The following OTUD7A variants were observed in gnomAD, a reference collection of about 807,000 sequenced individuals.
OTUD7A encodes OTU domain-containing protein 7A.
In OTUD7A, 12 loss-of-function variants were observed where a neutral mutation model predicts 65.7. That is an observed-to-expected ratio of 0.18 (90% CI 0.12 to 0.30). OTUD7A has a LOEUF of 0.30. Ranked by LOEUF, OTUD7A falls within the 10% of genes least tolerant of loss-of-function variation. The pLI is 1.00. For synonymous variants in OTUD7A, 641 were observed against 586.3 expected, an observed-to-expected ratio of 1.09 and a Z score of -1.35; for missense variants, 1,148 against 1,304.8, an observed-to-expected ratio of 0.88 and a Z score of 1.85.
intron 1 of OTUD7A, among the ~76,000 whole-genome samples, chr15:31,867,387 G>A (rs1299675614): frequency 3.3e-5 from 5 of 152,160 alleles, no homozygotes; most frequent in African/African-American, 9.7e-5. Flanking sequence ...AAGGTCAGAG[G>A]CCATGACTTG....
At chr15:31,804,260 CT>C (rs902856515) in intron 1 of OTUD7A, among the ~76,000 whole-genome samples, 2 of 152,210 alleles carry the variant, frequency 1.3e-5, no homozygotes, top group African/African-American at 4.8e-5. Context: ...GCAGCTCCCC[CT>C]GGCATTGCTA....
chr15:31,772,176 C>T (rs958545317), intron 1 of OTUD7A, among the ~76,000 whole-genome samples: 13 of 145,708 alleles, frequency 8.9e-5, no homozygotes, highest in East Asian at 2.0e-4. Context: ...GGCGTGAACC[C>T]GGGAGGCGGA....
intron 4 of OTUD7A, among the ~76,000 whole-genome samples, chr15:31,568,441 T>C (rs1888945326): frequency 6.6e-6 from 1 of 152,218 alleles, no homozygotes; most frequent in East Asian, 1.9e-4. Context: ...GAATAACTTG[T>C]TTTTGATTTT....
chr15:31,564,740 T>C (rs1225140189), intron 4 of OTUD7A, among the ~76,000 whole-genome samples: 1 of 151,942 alleles, frequency 6.6e-6, no homozygotes, highest in Non-Finnish European at 1.5e-5. Context: ...AAGACAGAGA[T>C]TCTTGGATTG....
intron 3 of OTUD7A, among the ~76,000 whole-genome samples, chr15:31,620,455 G>T (rs1339476880): frequency 6.6e-6 from 1 of 151,814 alleles, no homozygotes; most frequent in Admixed American, 6.6e-5. Flanking sequence ...GACTGTTATT[G>T]GTCTATTCAG....
intron 3 of OTUD7A, among the ~76,000 whole-genome samples, chr15:31,621,880 G>T (rs1178491736): frequency 6.6e-6 from 1 of 152,060 alleles, no homozygotes; most frequent in Non-Finnish European, 1.5e-5. Flanking sequence ...TTTCAATTTG[G>T]CATGTTTTTG....
chr15:31,484,590 G>A lies in OTUD7A; in HGVS notation c.1506C>T (p.Asp502=). Reference sequence around the variant, plus strand: ...CCTTGCGCTGCTTCTCCTTCTCCTTGTCCTTGCCGTTCTTGCCGTTATTGC... The same window carrying A: ...CCTTGCGCTGCTTCTCCTTCTCCTTATCCTTGCCGTTCTTGCCGTTATTGC... ...SNSNNGKNGK[D]KEKEKQRKEK... is the part of the protein sequence containing the mutation. Residue 502 remains aspartate, a synonymous_variant, in exon 13 of 13, where the codon GAC becomes GAT. Transcript: ENST00000307050. The surrounding 1 kb of genome is among the most constrained non-coding windows in gnomAD (Gnocchi z 4.5). 6.2e-7 allele frequency: 1 copy of A among 1,609,274 alleles called. No homozygotes were observed. Among genetic ancestry groups the A allele is most frequent in the East Asian group, 2.2e-5 (1 of 44,806 alleles).
intron 8 of OTUD7A, among the ~76,000 whole-genome samples, chr15:31,509,774 A>T (rs933701682): frequency 6.6e-6 from 1 of 151,500 alleles, no homozygotes; most frequent in African/African-American, 2.4e-5. Flanking sequence ...TTTTGCATAA[A>T]TTTTTTTTAT....
At chr15:31,837,455 A>C (rs1897083316) in intron 1 of OTUD7A, among the ~76,000 whole-genome samples, 1 of 151,904 alleles carries the variant, frequency 6.6e-6, no homozygotes. Context: ...CTGAGGCAGG[A>C]GAATCGCTTG....
At chr15:31,726,813 C>T (rs1334432078) in intron 1 of OTUD7A, among the ~76,000 whole-genome samples, 1 of 152,182 alleles carries the variant, frequency 6.6e-6, no homozygotes, top group Non-Finnish European at 1.5e-5. Flanking sequence ...TTTTTGTCAA[C>T]AGTGTTCAAT....
intron 3 of OTUD7A, among the ~76,000 whole-genome samples, chr15:31,632,013 A>C (rs1199427028): frequency 6.6e-6 from 1 of 151,574 alleles, no homozygotes; most frequent in Non-Finnish European, 1.5e-5. Context: ...AAAGTTTTTA[A>C]CTTCTTTGCC....
chr15:31,663,057 C>CTCTT (rs1491145667), intron 1 of OTUD7A, among the ~76,000 whole-genome samples: 1 of 108,154 alleles, frequency 9.2e-6, no homozygotes, highest in African/African-American at 3.5e-5. Context: ...TTTGTGTTAA[C>CTCTT]TCTTTTTTTT....
At chr15:31,698,300 T>C (rs1036019481) in intron 1 of OTUD7A, among the ~76,000 whole-genome samples, 2 of 152,204 alleles carry the variant, frequency 1.3e-5, no homozygotes, top group African/African-American at 2.4e-5. Context: ...GTTCCTTCCC[T>C]GGTATCATGA....
chr15:31,508,556 G>A (rs916509159), intron 8 of OTUD7A, among the ~76,000 whole-genome samples: 2 of 152,194 alleles, frequency 1.3e-5, no homozygotes, highest in Non-Finnish European at 2.9e-5. Flanking sequence ...GTTTCACTGT[G>A]TTAGCCAGGA....
At chr15:31,584,716 A>G (rs1161209192) in intron 3 of OTUD7A, among the ~76,000 whole-genome samples, 2 of 152,214 alleles carry the variant, frequency 1.3e-5, no homozygotes, top group Non-Finnish European at 2.9e-5. Context: ...CTCTTTGGAT[A>G]TGAAAGTCTG....
At chr15:31,606,811 A>G (rs919750796) in intron 3 of OTUD7A, among the ~76,000 whole-genome samples, 2 of 152,252 alleles carry the variant, frequency 1.3e-5, no homozygotes, top group Admixed American at 1.3e-4. Flanking sequence ...TTATTTCAAG[A>G]TTAGTTATAT....
chr15:31,740,232 G>T (rs1353878885), intron 1 of OTUD7A, among the ~76,000 whole-genome samples: 1 of 152,168 alleles, frequency 6.6e-6, no homozygotes, highest in Non-Finnish European at 1.5e-5. Context: ...ACAGCTTCTG[G>T]TGGGCAGGTG....
At chr15:31,844,278 A>G (rs974513840) in intron 1 of OTUD7A, among the ~76,000 whole-genome samples, 7 of 152,202 alleles carry the variant, frequency 4.6e-5, no homozygotes, top group African/African-American at 1.7e-4. Context: ...AGGCTGAGGC[A>G]GGTGGATCAT....
chr15:31,550,558 G>A (rs1434753157), intron 5 of OTUD7A, among the ~76,000 whole-genome samples: 5 of 152,072 alleles, frequency 3.3e-5, no homozygotes, highest in Admixed American at 6.6e-5. Flanking sequence ...TCTGCCAACC[G>A]CAGGGAACTT....
Sources: gnomAD v4.1 joint callset for allele counts (sites outside exome capture counted in the v4.1 genomes callset) on GRCh38, gnomAD v4.1.1 for gene constraint, Gnocchi (gnomAD v3.1) non-coding constraint, MANE v1.5 for transcripts, NCBI Gene and HGNC (gene_info 2026-07-23, HGNC 2026-07-21) for gene names.